The following ZNF536 variants were observed in gnomAD, a reference collection of about 807,000 sequenced individuals.
The protein encoded by ZNF536 is zinc finger protein 536.
A neutral mutation model predicts 84.5 loss-of-function variants in ZNF536; 13 were observed. The observed-to-expected ratio is 0.15, with a 90% CI of 0.10 to 0.24. The LOEUF (loss-of-function observed/expected upper bound fraction) is 0.24, where lower values mean the gene tolerates loss of function less well. Ranked by LOEUF, ZNF536 falls within the 10% of genes least tolerant of loss-of-function variation. The probability of loss-of-function intolerance (pLI) is 1.00; values close to 1 mark genes in which losing one functional copy is unlikely to be tolerated. For missense variants in ZNF536, 1,536 were observed against 1,747.5 expected, an observed-to-expected ratio of 0.88 and a Z score of 2.16; for synonymous variants, 811 against 742.5, an observed-to-expected ratio of 1.09 and a Z score of -1.50.
chr19:30,319,169 G>A (rs1315389479), intron 2 of ZNF536, among the ~76,000 whole-genome samples: 1 of 152,212 alleles, frequency 6.6e-6, no homozygotes, highest in Non-Finnish European at 1.5e-5. Flanking sequence ...TACAGGGTCC[G>A]CACGCTCTAC....
intron 4 of ZNF536, chr19:30,555,346 C>T (rs1001519719): frequency 2.0e-5 from 3 of 152,200 alleles, no homozygotes; most frequent in African/African-American, 7.2e-5. Flanking sequence ...GTGCAAACAT[C>T]TTCGGGTCAC....
At chr19:30,654,225 C>A (rs1227726392) in intron 1 of ZNF536, among the ~76,000 whole-genome samples, 1 of 152,212 alleles carries the variant, frequency 6.6e-6, no homozygotes, top group African/African-American at 2.4e-5. Context: ...GGGAGGGAGC[C>A]TGACCTTCAC....
chr19:30,397,864 A>G (rs1347741851), intron 1 of ZNF536, among the ~76,000 whole-genome samples: 1 of 152,240 alleles, frequency 6.6e-6, no homozygotes, highest in Non-Finnish European at 1.5e-5. Context: ...AGAGAGAAAG[A>G]GAGAATACCC....
At chr19:30,480,465 G>A (rs745737316) in intron 2 of ZNF536, among the ~76,000 whole-genome samples, 11 of 152,000 alleles carry the variant, frequency 7.2e-5, no homozygotes, top group South Asian at 2.1e-4. Flanking sequence ...ACCAAACACC[G>A]GATGTTCTCA....
At chr19:30,383,604 C>T (rs77862937) in intron 1 of ZNF536, among the ~76,000 whole-genome samples, 11,325 of 147,004 alleles carry the variant, frequency 0.077, 1,696 homozygotes, top group African/African-American at 0.28. Flanking sequence ...ACCTTCCTTC[C>T]TTTCTTTCTC....
In ZNF536 at chr19:30,445,294, A is replaced by G. The variant is rs1172414574; in HGVS notation, c.1732A>G (p.Met578Val). The G allele has an allele frequency of 1.2e-6, 2 of 1,614,144 alleles. No homozygotes were observed. Residue 578 changes from methionine (M) to valine (V), a missense_variant, in exon 2 of 5, where the codon ATG becomes GTG. Met to Val is a conservative substitution (Grantham distance 21). Around this residue, in one of 8 missense-constraint regions of ZNF536, gnomAD observed 366 missense variants for 364.4 expected, o/e 1.00. Transcript: ENST00000355537. The surrounding 1 kb of genome is among the most constrained non-coding windows in gnomAD (Gnocchi z 4.5). ...GGGAGCAGATGGCTCCAAGCAGAAA[A>G]TGCCTGCTGATTTGGTTCACAGCAC... Reference protein sequence around the residue: ...LVGADGSKQKMPADLVHSTKV... With the variant: ...LVGADGSKQKVPADLVHSTKV...
intron 2 of ZNF536, among the ~76,000 whole-genome samples, chr19:30,458,137 G>A (rs1327728652): frequency 6.6e-6 from 1 of 152,160 alleles, no homozygotes; most frequent in Non-Finnish European, 1.5e-5. Context: ...TTTGGAGCCG[G>A]GCCCCACACA....
At chr19:30,417,561 A>G (rs570319290) in intron 1 of ZNF536, among the ~76,000 whole-genome samples, 2 of 152,298 alleles carry the variant, frequency 1.3e-5, no homozygotes, top group Admixed American at 6.5e-5. Flanking sequence ...CAAACATACC[A>G]TTAGAAAAAA....
chr19:30,286,879 G>T (rs780435295), intron 2 of ZNF536, among the ~76,000 whole-genome samples: 2 of 152,260 alleles, frequency 1.3e-5, no homozygotes, highest in African/African-American at 4.8e-5. Context: ...ATACAGTTTT[G>T]TACTGTTAAC....
At chr19:30,621,137 A>T (rs975891905) in intron 1 of ZNF536, among the ~76,000 whole-genome samples, 3 of 152,082 alleles carry the variant, frequency 2.0e-5, no homozygotes, top group Non-Finnish European at 2.9e-5. Context: ...GAAGAACAGC[A>T]TCTAACATAC....
chr19:30,238,832 A>AAT (rs1555772683), intron 1 of ZNF536, among the ~76,000 whole-genome samples: 21 of 151,740 alleles, frequency 1.4e-4, no homozygotes, highest in East Asian at 1.2e-3. Context: ...TTAAAAAAAA[A>AAT]ATATATATAT....
chr19:30,281,427 A>G (rs1170023806), intron 1 of ZNF536, among the ~76,000 whole-genome samples: 1 of 152,132 alleles, frequency 6.6e-6, no homozygotes, highest in Non-Finnish European at 1.5e-5. Flanking sequence ...CACTTGCTTA[A>G]GGGCTTGACT....
intron 1 of ZNF536, among the ~76,000 whole-genome samples, chr19:30,244,133 G>A (rs1196262734): frequency 1.3e-5 from 2 of 152,140 alleles, no homozygotes; most frequent in Non-Finnish European, 2.9e-5. Flanking sequence ...AGTTGATTAA[G>A]GTCAATGCTA....
intron 1 of ZNF536, among the ~76,000 whole-genome samples, chr19:30,415,000 GTT>G (rs965866605): frequency 6.6e-6 from 1 of 152,138 alleles, no homozygotes; most frequent in South Asian, 2.1e-4. Flanking sequence ...TGGGTAAGCT[GTT>G]GTCTTCTTCC....
intron 2 of ZNF536, among the ~76,000 whole-genome samples, chr19:30,342,936 C>T (rs1054870957): frequency 1.3e-5 from 2 of 152,220 alleles, no homozygotes; most frequent in African/African-American, 4.8e-5. Flanking sequence ...ATTTGGGTGT[C>T]TGTCTCAATC....
chr19:30,484,818 T>C (rs2054236778), intron 2 of ZNF536, among the ~76,000 whole-genome samples: 1 of 151,980 alleles, frequency 6.6e-6, no homozygotes, highest in Admixed American at 6.6e-5. Context: ...TTAATTACTT[T>C]GTAAAGTGCT....
intron 2 of ZNF536, among the ~76,000 whole-genome samples, chr19:30,332,097 A>G (rs1358240433): frequency 6.6e-6 from 1 of 152,202 alleles, no homozygotes; most frequent in Non-Finnish European, 1.5e-5. Flanking sequence ...GGCCACGGGC[A>G]TCAAATGGGC....
chr19:30,666,867 C>G (rs1328378678), intron 1 of ZNF536, among the ~76,000 whole-genome samples: 1 of 148,444 alleles, frequency 6.7e-6, no homozygotes, highest in African/African-American at 2.5e-5. Flanking sequence ...TGTATGTATG[C>G]ATATTTTAAA....
chr19:30,346,421 T>C (rs1020061897), intron 2 of ZNF536, among the ~76,000 whole-genome samples: 1 of 152,222 alleles, frequency 6.6e-6, no homozygotes, highest in African/African-American at 2.4e-5. Flanking sequence ...GTTTGTTGTA[T>C]AGATTAGTTG....
Sources: allele counts gnomAD v4.1 joint callset (sites outside exome capture counted in the v4.1 genomes callset), GRCh38; gene constraint gnomAD v4.1.1; regional missense constraint gnomAD v4.1.1; non-coding constraint Gnocchi (gnomAD v3.1); transcripts MANE v1.5; gene names NCBI Gene and HGNC (gene_info 2026-07-23, HGNC 2026-07-21).